ZNF704: variants seen among roughly 807,000 people sequenced by gnomAD.
ZNF704 encodes glucocorticoid induced gene 1.
ZNF704 carries 10 observed loss-of-function variants against 44.7 expected under a neutral mutation model. That is an observed-to-expected ratio of 0.22 (90% CI 0.14 to 0.38). The LOEUF (loss-of-function observed/expected upper bound fraction) is 0.38. Ranked by LOEUF, ZNF704 falls within the 10% of genes least tolerant of loss-of-function variation. The probability of loss-of-function intolerance (pLI) is 1.00; values close to 1 mark genes in which losing one functional copy is unlikely to be tolerated. For synonymous variants in ZNF704, 211 were observed against 207.6 expected, an observed-to-expected ratio of 1.02 and a Z score of -0.14; for missense variants, 390 against 545.5, an observed-to-expected ratio of 0.71 and a Z score of 2.84.
chr8:80,672,537 A>C (rs1818298608), intron 4 of ZNF704, among the ~76,000 whole-genome samples: 1 of 152,190 alleles, frequency 6.6e-6, no homozygotes, highest in Non-Finnish European at 1.5e-5. Flanking sequence ...TGTAATGAAT[A>C]AATAAAATGT....
At chr8:80,880,924 T>C in the ZNF704 span, among the ~76,000 whole-genome samples, 1 of 152,254 alleles carries the variant, frequency 6.6e-6, no homozygotes, top group South Asian at 2.1e-4. Context: ...CTTACCAGGC[T>C]TGTAGAAATT....
At chr8:80,789,939 C>T (rs146686950) in intron 2 of ZNF704, among the ~76,000 whole-genome samples, 11 of 152,192 alleles carry the variant, frequency 7.2e-5, no homozygotes, top group Middle Eastern at 3.4e-3. Flanking sequence ...GATATTTGTA[C>T]GTTAAAATCC....
chr8:80,789,170 T>C (rs1807662360), intron 2 of ZNF704, among the ~76,000 whole-genome samples: 1 of 152,106 alleles, frequency 6.6e-6, no homozygotes, highest in East Asian at 1.9e-4. Flanking sequence ...ACCAGAATGA[T>C]TCTACAAAAG....
At chr8:80,808,778 T>C (rs1265221467) in intron 2 of ZNF704, among the ~76,000 whole-genome samples, 2 of 152,248 alleles carry the variant, frequency 1.3e-5, no homozygotes, top group African/African-American at 4.8e-5. Flanking sequence ...GGTGATATTT[T>C]GAAAACCACA....
intron 2 of ZNF704, among the ~76,000 whole-genome samples, chr8:80,765,047 T>C (rs558594893): frequency 3.9e-5 from 6 of 152,280 alleles, no homozygotes; most frequent in Admixed American, 3.9e-4. Context: ...GGGATGCTGA[T>C]AGCCTGGTTC....
At chr8:80,827,174 C>A (rs1362181515) in intron 1 of ZNF704, among the ~76,000 whole-genome samples, 2 of 152,252 alleles carry the variant, frequency 1.3e-5, no homozygotes, top group African/African-American at 2.4e-5. Flanking sequence ...ATTTAGAAAA[C>A]CCCATCATCT....
intron 2 of ZNF704, among the ~76,000 whole-genome samples, chr8:80,817,290 C>A (rs1442591707): frequency 6.6e-6 from 1 of 152,206 alleles, no homozygotes; most frequent in Admixed American, 6.5e-5. Flanking sequence ...CAAGGAAGGG[C>A]CCAGCTGCTG....
At chr8:80,811,784 C>T (rs1197126622) in intron 2 of ZNF704, among the ~76,000 whole-genome samples, 2 of 152,138 alleles carry the variant, frequency 1.3e-5, no homozygotes, top group Non-Finnish European at 1.5e-5. Flanking sequence ...CCTCAGTCAC[C>T]CCCAACCCAA....
chr8:80,852,434 CT>C (rs1306602756), intron 1 of ZNF704, among the ~76,000 whole-genome samples: 6 of 152,192 alleles, frequency 3.9e-5, no homozygotes. Context: ...TTGCCAATTT[CT>C]CTAAAATGCA....
At position 80,631,812 on chromosome 8, in the gene ZNF704, G is replaced by C. The variant is rs1817590776; in HGVS notation, c.*9554C>G. The C allele has an allele frequency of 6.6e-6, 1 of 152,246 alleles. No homozygotes were observed. Among genetic ancestry groups the C allele is most frequent in the Admixed American group, 6.5e-5 (1 of 15,276 alleles). The allele number at this position is 152,246 out of a possible 1,614,324, so 9.4% of individuals were successfully genotyped here. A position where few individuals can be genotyped will look rare whatever the true frequency, so the allele number is the denominator to read the frequency against. On this transcript the variant is annotated 3_prime_UTR_variant, in exon 9 of 9. Transcript: ENST00000327835. ...AGATGGAATATTTCCCCCGAAGGGA[G>C]GGAATAGCCACACTGACTGAGCCTT...
At chr8:80,675,267 G>T (rs772965980) in intron 4 of ZNF704, among the ~76,000 whole-genome samples, 1 of 152,210 alleles carries the variant, frequency 6.6e-6, no homozygotes, top group Non-Finnish European at 1.5e-5. Context: ...AGATGAGAAA[G>T]ACCTTGCCTC....
chr8:80,748,143 T>C (rs956078151), intron 2 of ZNF704, among the ~76,000 whole-genome samples: 2 of 152,236 alleles, frequency 1.3e-5, no homozygotes, highest in African/African-American at 4.8e-5. Flanking sequence ...TATAGTCAGA[T>C]GTCAGAGATG....
In ZNF704 at chr8:80,856,468, G is replaced by A. The variant is rs143388735; in HGVS notation, c.-22+18103C>T. 3.3e-5 allele frequency among the ~76,000 whole-genome samples: 5 copies of A among 152,232 alleles called. No homozygotes were observed. In the East Asian group the frequency reaches 5.8e-4, roughly 18 times the overall value. On this transcript the variant is annotated intron_variant, in intron 1 of 8. Transcript: ENST00000327835. The stretch of plus-strand genomic sequence containing the variant: ...CCCAAAGTTACAAAGATATTCTCCT[G>A]TTTCTTCAAGAAGCTCTGTAAGTTT...
At chr8:80,684,461 A>T (rs899703486) in intron 4 of ZNF704, among the ~76,000 whole-genome samples, 1 of 152,198 alleles carries the variant, frequency 6.6e-6, no homozygotes, top group Non-Finnish European at 1.5e-5. Context: ...GAAAAAACTG[A>T]TCTAGAAGGT....
intron 2 of ZNF704, among the ~76,000 whole-genome samples, chr8:80,792,422 C>CT (rs1807724980): frequency 6.6e-6 from 1 of 152,154 alleles, no homozygotes; most frequent in African/African-American, 2.4e-5. Flanking sequence ...GGGGCATACT[C>CT]TAACATGACC....
At chr8:80,799,684 T>C (rs537437429) in intron 2 of ZNF704, among the ~76,000 whole-genome samples, 3 of 152,086 alleles carry the variant, frequency 2.0e-5, no homozygotes, top group African/African-American at 7.2e-5. Context: ...AGATCAAAGG[T>C]AGAGACGCCC....
chr8:80,724,255 C>A (rs1224164351), intron 2 of ZNF704, among the ~76,000 whole-genome samples: 1 of 152,140 alleles, frequency 6.6e-6, no homozygotes. Flanking sequence ...TTAAGTGATA[C>A]TCCTTTAGGG....
chr8:80,811,207 A>G (rs1808075502), intron 2 of ZNF704, among the ~76,000 whole-genome samples: 1 of 152,156 alleles, frequency 6.6e-6, no homozygotes. Flanking sequence ...TTTAAGATTG[A>G]GCATGCAAAA....
intron 2 of ZNF704, among the ~76,000 whole-genome samples, chr8:80,713,736 T>C (rs1033265512): frequency 2.0e-5 from 3 of 152,216 alleles, no homozygotes; most frequent in East Asian, 3.8e-4. Context: ...TTTCTTTTTA[T>C]AGCAATTATT....
Sources: allele counts gnomAD v4.1 joint callset (sites outside exome capture counted in the v4.1 genomes callset), GRCh38; gene constraint gnomAD v4.1.1; transcripts MANE v1.5; gene names NCBI Gene and HGNC (gene_info 2026-07-23, HGNC 2026-07-21).